Variants in PDE1C observed in about 807,000 individuals in gnomAD.
The protein encoded by PDE1C is phosphodiesterase 1C.
A neutral mutation model predicts 93.1 loss-of-function variants in PDE1C; 62 were observed. That is an observed-to-expected ratio of 0.67 (90% CI 0.54 to 0.82). The LOEUF (loss-of-function observed/expected upper bound fraction) is 0.82. Among genes scored for constraint, PDE1C ranks in the 40% least tolerant of loss-of-function variants. The probability of loss-of-function intolerance (pLI) is 0.00; values close to 1 mark genes in which losing one functional copy is unlikely to be tolerated. For synonymous variants in PDE1C, 325 were observed against 310.1 expected (o/e 1.05, Z -0.50); for missense variants, 742 against 884.6 (o/e 0.84, Z 2.04).
chr7:31,913,741 C>T (rs1218084304), intron 2 of PDE1C, among the ~76,000 whole-genome samples: 1 of 152,180 alleles, frequency 6.6e-6, no homozygotes, highest in Non-Finnish European at 1.5e-5. Flanking sequence ...GGACCAAGTG[C>T]AAACTTATAT....
intron 2 of PDE1C, among the ~76,000 whole-genome samples, chr7:31,963,909 G>A (rs1385202730): frequency 6.6e-6 from 1 of 152,216 alleles, no homozygotes; most frequent in Non-Finnish European, 1.5e-5. Flanking sequence ...CACTTATGGA[G>A]TTAGTAAATA....
At chr7:31,814,563 G>A (rs1194192912) in intron 15 of PDE1C, among the ~76,000 whole-genome samples, 1 of 151,682 alleles carries the variant, frequency 6.6e-6, no homozygotes. Context: ...GGAGAACATC[G>A]TGCTAAGCAC....
the PDE1C span, among the ~76,000 whole-genome samples, chr7:31,623,862 G>C: frequency 2.6e-5 from 4 of 152,064 alleles, no homozygotes; most frequent in African/African-American, 4.8e-5. Flanking sequence ...GATTTTATAT[G>C]TAGAAAACCC....
chr7:32,075,522 C>T (rs1796301480), upstream of PDE1C, among the ~76,000 whole-genome samples: 1 of 152,142 alleles, frequency 6.6e-6, no homozygotes, highest in African/African-American at 2.4e-5. Flanking sequence ...GCTTCTCCCT[C>T]TGACGTCTTT....
chr7:31,647,965 T>TA, the PDE1C span, among the ~76,000 whole-genome samples: 1 of 152,110 alleles, frequency 6.6e-6, no homozygotes, highest in Non-Finnish European at 1.5e-5. Context: ...AATAATTTGT[T>TA]AATTCAAAAA....
intron 1 of PDE1C, among the ~76,000 whole-genome samples, chr7:32,237,250 C>G (rs1808170856): frequency 6.6e-6 from 1 of 150,942 alleles, no homozygotes; most frequent in Non-Finnish European, 1.5e-5. Context: ...CCACGCCCGG[C>G]TAATTTTTTT....
intron 3 of PDE1C, among the ~76,000 whole-genome samples, chr7:32,120,273 C>A (rs974864922): frequency 6.6e-6 from 1 of 152,184 alleles, no homozygotes; most frequent in Non-Finnish European, 1.5e-5. Flanking sequence ...GAAGGGTGGC[C>A]GCAGTCTCTG....
intron 1 of PDE1C, among the ~76,000 whole-genome samples, chr7:32,256,221 A>T (rs1180688720): frequency 6.6e-6 from 1 of 152,210 alleles, no homozygotes. Context: ...TAGCAAACAG[A>T]TGTCTCCCAG....
At chr7:32,338,640 CA>C (rs1180918881) in intron 1 of PDE1C, among the ~76,000 whole-genome samples, 1 of 152,064 alleles carries the variant, frequency 6.6e-6, no homozygotes, top group Non-Finnish European at 1.5e-5. Flanking sequence ...GGTATGTATC[CA>C]AAATAATTGA....
intron 2 of PDE1C, among the ~76,000 whole-genome samples, chr7:31,998,010 T>TTTATTTTTATTTATTTATTTA (rs372231310): frequency 4.4e-4 from 66 of 148,758 alleles, no homozygotes; most frequent in African/African-American, 1.5e-3. Context: ...TTTATTTTAT[T>TTTATTTTTATTTATTTATTTA]TTTATTTATT....
At chr7:31,843,676 T>G (rs1792195204) in intron 9 of PDE1C, among the ~76,000 whole-genome samples, 1 of 151,886 alleles carries the variant, frequency 6.6e-6, no homozygotes, top group South Asian at 2.1e-4. Context: ...CCTTTAACAT[T>G]TAATGTAATT....
At chr7:32,402,813 C>T (rs1339379679) in intron 1 of PDE1C, among the ~76,000 whole-genome samples, 1 of 152,106 alleles carries the variant, frequency 6.6e-6, no homozygotes, top group Non-Finnish European at 1.5e-5. Flanking sequence ...ATCAAAACCC[C>T]CTCCAAGATG....
At chr7:32,207,428 C>A (rs1449639940) in intron 2 of PDE1C, among the ~76,000 whole-genome samples, 2 of 151,760 alleles carry the variant, frequency 1.3e-5, no homozygotes, top group East Asian at 3.9e-4. Context: ...TCACACCACA[C>A]AATGAAGGTC....
At chr7:32,297,681 C>T (rs1562659566) in intron 1 of PDE1C, among the ~76,000 whole-genome samples, 1 of 152,166 alleles carries the variant, frequency 6.6e-6, no homozygotes, top group African/African-American at 2.4e-5. Flanking sequence ...CCCCTCTGGT[C>T]CCCCTCTTGG....
chr7:31,725,250 T>C, the PDE1C span, among the ~76,000 whole-genome samples: 1 of 152,066 alleles, frequency 6.6e-6, no homozygotes, highest in Admixed American at 6.6e-5. Flanking sequence ...GAGGTACTGG[T>C]AGGTATGAAG....
At chr7:32,422,846 G>A (rs1785459864) in intron 1 of PDE1C, among the ~76,000 whole-genome samples, 1 of 152,120 alleles carries the variant, frequency 6.6e-6, no homozygotes, top group South Asian at 2.1e-4. Flanking sequence ...GCAAGAGAGT[G>A]GTTGCAAAAG....
chr7:31,766,083 T>C (rs79113051), intron 17 of PDE1C, among the ~76,000 whole-genome samples: 2,755 of 152,270 alleles, frequency 0.018, 81 homozygotes, highest in African/African-American at 0.062. Context: ...ATGCAATAAA[T>C]GTTAAAATAT....
chr7:32,129,584 AG>A (rs1799810520), intron 3 of PDE1C, among the ~76,000 whole-genome samples: 1 of 152,070 alleles, frequency 6.6e-6, no homozygotes, highest in African/African-American at 2.4e-5. Flanking sequence ...TAACATCAGT[AG>A]TGGTTTATCA....
intron 17 of PDE1C, among the ~76,000 whole-genome samples, chr7:31,761,993 GCTGA>G (rs1256091426): frequency 2.0e-5 from 3 of 152,218 alleles, no homozygotes; most frequent in Non-Finnish European, 4.4e-5. Flanking sequence ...CCAGCACAGT[GCTGA>G]CACATAGTAG....
Sources: allele counts gnomAD v4.1 joint callset (sites outside exome capture counted in the v4.1 genomes callset), GRCh38; gene constraint gnomAD v4.1.1; transcripts MANE v1.5; gene names NCBI Gene and HGNC (gene_info 2026-07-23, HGNC 2026-07-21).